Variants in TATDN2 observed in about 807,000 individuals in gnomAD.
TATDN2 encodes the protein TatD DNase domain containing 2, also known as 3'-5' RNA nuclease TATDN2.
A neutral mutation model predicts 60.3 loss-of-function variants in TATDN2; 44 were observed. The ratio of observed to expected loss-of-function variants is 0.73; its 90% CI spans 0.57 to 0.94. TATDN2 has a LOEUF of 0.94. Among genes scored for constraint, TATDN2 ranks in the 40% least tolerant of loss-of-function variants. The pLI is 0.00. For missense variants in TATDN2, 997 were observed against 948.0 expected (o/e 1.05, Z -0.68); for synonymous variants, 399 against 355.8 (o/e 1.12, Z -1.37).
At chr3:10,266,746 T>G in intron 3 of TATDN2, among the ~76,000 whole-genome samples, 1 of 152,196 alleles carries the variant, frequency 6.6e-6, no homozygotes, top group East Asian at 1.9e-4. Flanking sequence ...TCAGTGAGGT[T>G]TCAGGAAAGA....
At chr3:10,266,790 A>G (rs1698481128) in intron 3 of TATDN2, among the ~76,000 whole-genome samples, 1 of 152,216 alleles carries the variant, frequency 6.6e-6, no homozygotes, top group Admixed American at 6.5e-5. Context: ...ATCCATCTTT[A>G]GCCTAGAAAT....
At chr3:10,257,264 AAC>A (rs1698320813) in intron 2 of TATDN2, among the ~76,000 whole-genome samples, 1 of 149,704 alleles carries the variant, frequency 6.7e-6, no homozygotes, top group South Asian at 2.1e-4. Context: ...CAGCCTGGAC[AAC>A]AGAGTGAGAT....
chr3:10,270,990 C>T lies in TATDN2; in HGVS notation c.1808C>T (p.Thr603Ile). The part of the protein sequence containing the change: ...EMGLDYSYKC[T>I]TPVPEQHKVF... ...GGCTTGGATTACTCTTACAAGTGCA[C>T]CACGCCTGTCCCAGAACAGCACAAG... is the stretch of plus-strand genomic sequence containing the variant. The change falls in exon 4 of 8, where the codon ACC becomes ATC. Residue 603 changes from threonine to isoleucine, a missense_variant. Transcript: ENST00000448281. 1.9e-6 allele frequency: 3 copies of T among 1,598,796 alleles called. No individual in the cohort carries two copies. Among genetic ancestry groups the T allele is most frequent in the Non-Finnish European group, 2.6e-6 (3 of 1,173,800 alleles).
intron 4 of TATDN2, among the ~76,000 whole-genome samples, chr3:10,274,926 T>A (rs1698613021): frequency 6.6e-6 from 1 of 152,156 alleles, no homozygotes; most frequent in Non-Finnish European, 1.5e-5. Flanking sequence ...CAAATTATGT[T>A]CCACAGTTGT....
chr3:10,275,621 C>G (rs899933852), intron 4 of TATDN2, among the ~76,000 whole-genome samples: 2 of 152,122 alleles, frequency 1.3e-5, no homozygotes, highest in African/African-American at 4.8e-5. Context: ...TGGTGCCTGC[C>G]TGTAATACCA....
Position 10,249,192 on chromosome 3 carries a change from C to G in TATDN2, c.-6-3C>G. On this transcript the variant is annotated splice_polypyrimidine_tract_variant and splice_region_variant and intron_variant, in intron 1 of 7. Transcript: ENST00000448281. ...TGGAATCCAGGCCCCCTGTACCTTG[C>G]AGGTGCCCATGGCGTCCGAGCGGGG... 6.6e-7 allele frequency: 1 copy of G among 1,509,836 alleles called. No homozygotes were observed. The highest frequency in any genetic ancestry group is 8.9e-7 in the Non-Finnish European group (1 of 1,128,348). 93.5% of individuals were successfully genotyped at this position (1,509,836 alleles called of 1,614,324 possible). A position where few individuals can be genotyped will look rare whatever the true frequency, so the allele number is the denominator to read the frequency against.
At chr3:10,255,012 ACTCCCCCTCCCC>A (rs138010769) in intron 2 of TATDN2, among the ~76,000 whole-genome samples, 1 of 39,086 alleles carries the variant, frequency 2.6e-5, no homozygotes, top group Non-Finnish European at 5.3e-5. Context: ...CCCACTTCCC[ACTCCCCCTCCCC>A]CTCCCCCTCC....
intron 3 of TATDN2, among the ~76,000 whole-genome samples, chr3:10,262,961 C>T (rs1416906924): frequency 1.3e-5 from 2 of 151,180 alleles, no homozygotes; most frequent in Non-Finnish European, 3.0e-5. Flanking sequence ...AGTCCAGTGG[C>T]GTGATCTCAG....
chr3:10,265,019 C>CTT (rs550799457), intron 3 of TATDN2, among the ~76,000 whole-genome samples: 1,864 of 76,432 alleles, frequency 0.024, 118 homozygotes, highest in African/African-American at 0.097. Context: ...TTTTTTTGGT[C>CTT]TTTTTTTTTT....
chr3:10,257,869 TTTTTTTTGG>T (rs1698337316), intron 2 of TATDN2, among the ~76,000 whole-genome samples: 1 of 88,678 alleles, frequency 1.1e-5, no homozygotes, highest in South Asian at 4.1e-4. Context: ...TTTTTTTTTT[TTTTTTTTGG>T]GAGATGGAGT....
intron 7 of TATDN2, 33 bp from the exon 8 acceptor site, chr3:10,279,188 G>A: frequency 3.1e-6 from 3 of 964,356 alleles, no homozygotes; most frequent in Non-Finnish European, 4.5e-6. Context: ...GACATGGTTT[G>A]GAACCTTCTT....
At position 10,278,329 on chromosome 3, in the gene TATDN2, T is replaced by G; in HGVS notation, c.2012T>G (p.Phe671Cys). The G allele has an allele frequency of 1.9e-6, 3 of 1,614,150 alleles. No individual in the cohort carries two copies. The highest frequency in any genetic ancestry group is 2.5e-6 in the Non-Finnish European group (3 of 1,180,018). The change falls in exon 6 of 8, where the codon TTT becomes TGT. Residue 671 changes from phenylalanine (F) to cysteine (C), a missense_variant. Coordinates refer to ENST00000448281, the MANE Select transcript of TATDN2 (RefSeq NM_014760.4). The surrounding 1 kb of genome is among the most constrained non-coding windows in gnomAD (Gnocchi z 4.7). ...GTCATTGAGCCCCTGCTGAAGTACT[T>G]TCCCAACATGTCTGTGGGCTTCACG... ...YPVIEPLLKY[F>C]PNMSVGFTAV...
chr3:10,264,847 T>A (rs187026530), intron 3 of TATDN2, among the ~76,000 whole-genome samples: 9 of 152,080 alleles, frequency 5.9e-5, no homozygotes, highest in African/African-American at 1.9e-4. Flanking sequence ...CCTGTCTAAT[T>A]TTTGTATTTT....
rs908367732 is a variant in TATDN2 at position 10,249,261 on chromosome 3, C to G, written c.61C>G (p.Arg21Gly). ...NWSSTSEGCP[R>G]KRSCLREPCD... is the part of the protein sequence containing the mutation. ...GAGCAGCACGTCGGAAGGGTGTCCC[C>G]GCAAGCGCAGCTGCCTCCGGGAGCC... Residue 21 changes from arginine (R) to glycine (G), a missense_variant, in exon 2 of 8, where the codon CGC becomes GGC. Coordinates refer to ENST00000448281, the MANE Select transcript of TATDN2 (RefSeq NM_014760.4). The G allele has an allele frequency of 1.7e-5, 27 of 1,574,178 alleles. No homozygotes were observed. The highest frequency in any genetic ancestry group is 2.3e-5 in the Non-Finnish European group (27 of 1,158,976).
In TATDN2 at chr3:10,260,168, C is replaced by A. The variant is rs1698378219; in HGVS notation, c.446C>A (p.Thr149Lys). The A allele has an allele frequency of 6.2e-7, 1 of 1,613,370 alleles. No homozygotes were observed. The highest frequency in any genetic ancestry group is 1.3e-5 in the African/African-American group (1 of 74,830). ...TCCAAAGATAGTTCTCATAACTCCA[C>A]AAACTCTGAATTTGCAGCTGAAGCT... ...VDSKDSSHNS[T>K]NSEFAAEAEG... is the part of the protein sequence containing the mutation. Residue 149 changes from threonine (T) to lysine (K), a missense_variant, in exon 3 of 8, where the codon ACA (threonine) becomes AAA (lysine). Thr to Lys is a moderately conservative substitution (Grantham distance 78). Transcript: ENST00000448281.
rs1175108923 is a variant in TATDN2 at position 10,270,927 on chromosome 3, C to G, written c.1745C>G (p.Ala582Gly). Residue 582 changes from alanine (A) to glycine (G), a missense_variant, in exon 4 of 8, where the codon GCC becomes GGC. Transcript: ENST00000448281. ...SESQERNLLQ[A>G]LRHPKAVAFG... The stretch of plus-strand genomic sequence containing the variant: ...AGTCAAGAAAGAAATCTTTTGCAAG[C>G]CTTAAGGCACCCTAAGGCTGTGGCA... 1 of 1,614,132 alleles carries G rather than the reference C, an allele frequency of 6.2e-7. No homozygotes were observed. Among genetic ancestry groups the G allele is most frequent in the South Asian group, 1.1e-5 (1 of 91,074 alleles).
chr3:10,276,993 G>C (rs1698648977), intron 5 of TATDN2, among the ~76,000 whole-genome samples: 1 of 150,674 alleles, frequency 6.6e-6, no homozygotes, highest in Admixed American at 6.6e-5. Flanking sequence ...ACTTCGTATG[G>C]TTTGAACTAA....
Position 10,260,166 on chromosome 3 carries a change from C to T in TATDN2, c.444C>T (p.Ser148=). ...KVDSKDSSHN[S]TNSEFAAEAE... is the part of the protein sequence containing the mutation. ...ATTCCAAAGATAGTTCTCATAACTC[C>T]ACAAACTCTGAATTTGCAGCTGAAG... Residue 148 remains serine, a synonymous_variant, in exon 3 of 8, where the codon TCC becomes TCT. Coordinates refer to ENST00000448281, the MANE Select transcript of TATDN2 (RefSeq NM_014760.4). 1 of 1,613,576 alleles carries T rather than the reference C, an allele frequency of 6.2e-7. No homozygotes were observed.
chr3:10,276,266 G>C, intron 4 of TATDN2, 95 bp from the exon 5 acceptor site: 1 of 1,470,334 alleles, frequency 6.8e-7, no homozygotes, highest in Non-Finnish European at 9.2e-7. Flanking sequence ...AAAAAAGAGA[G>C]ACACAGGGGG....
Sources: gnomAD v4.1 joint callset for allele counts (sites outside exome capture counted in the v4.1 genomes callset) on GRCh38, gnomAD v4.1.1 for gene constraint, Gnocchi (gnomAD v3.1) non-coding constraint, MANE v1.5 for transcripts, NCBI Gene and HGNC (gene_info 2026-07-23, HGNC 2026-07-21) for gene names.